SP1: variants seen among roughly 807,000 people sequenced by gnomAD.
The protein encoded by SP1 is Sp1 transcription factor, also known as transcription factor Sp1.
A neutral mutation model predicts 66.3 loss-of-function variants in SP1; 6 were observed. The ratio of observed to expected loss-of-function variants is 0.09; its 90% CI spans 0.05 to 0.18. SP1 has a LOEUF of 0.18. Ranked by LOEUF, SP1 falls within the 10% of genes least tolerant of loss-of-function variation. SP1 has a pLI of 1.00. For synonymous variants in SP1, 417 were observed against 360.8 expected, an observed-to-expected ratio of 1.16 and a Z score of -1.77; for missense variants, 848 against 964.5, an observed-to-expected ratio of 0.88 and a Z score of 1.60.
chr12:53,409,851 T>C (rs934276992), intron 5 of SP1, among the ~76,000 whole-genome samples: 1 of 151,448 alleles, frequency 6.6e-6, no homozygotes, highest in African/African-American at 2.4e-5. Context: ...CTACTAAATA[T>C]ACAAAAAAAT....
Position 53,405,950 on chromosome 12 carries a change from T to G in SP1, c.1676-635T>G, listed in dbSNP as rs1384398708. Among the ~76,000 whole-genome samples the G allele has an allele frequency of 1.3e-4, 19 of 151,664 alleles. No individual in the cohort carries two copies. In the Admixed American group the frequency reaches 1.3e-3, roughly 10 times the overall value. The stretch of plus-strand genomic sequence containing the variant: ...CATCAGTATGGCACATGTATACATA[T>G]GTAACCTACACGTTGTGCACATGTA... On this transcript the variant is annotated intron_variant, in intron 3 of 5. Coordinates refer to ENST00000327443, the MANE Select transcript of SP1 (RefSeq NM_138473.3).
At chr12:53,389,352 ATGCCC>A (rs1938301368) in intron 3 of SP1, among the ~76,000 whole-genome samples, 1 of 150,770 alleles carries the variant, frequency 6.6e-6, no homozygotes, top group Non-Finnish European at 1.5e-5. Flanking sequence ...CTCCCGAGTA[ATGCCC>A]ACCACCACGC....
chr12:53,382,892 C>T lies in SP1; in HGVS notation c.945C>T (p.Ala315=), dbSNP rs1938140109. 1.2e-6 allele frequency: 2 copies of T among 1,614,184 alleles called. No individual in the cohort carries two copies. Among genetic ancestry groups the T allele is most frequent in the East Asian group, 2.2e-5 (1 of 44,886 alleles). Residue 315 remains alanine, a synonymous_variant, in exon 3 of 6, where the codon GCC becomes GCT. Transcript: ENST00000327443. ...CTGCCAGCTTGGTATCATCACAAGC[C>T]AGTTCCAGCTCCTTTTTCACCAATG... ...ISSASLVSSQ[A]SSSSFFTNAN...
At chr12:53,404,403 G>T (rs1938681393) in intron 3 of SP1, among the ~76,000 whole-genome samples, 1 of 151,782 alleles carries the variant, frequency 6.6e-6, no homozygotes, top group Admixed American at 6.6e-5. Context: ...GTAGCCAGGG[G>T]TGGTGGTGGG....
At chr12:53,410,672 AT>A (rs1259034426) in intron 5 of SP1, among the ~76,000 whole-genome samples, 2 of 151,626 alleles carry the variant, frequency 1.3e-5, no homozygotes, top group Non-Finnish European at 2.9e-5. Context: ...CGCCCGGCTA[AT>A]TTTTTGTATT....
chr12:53,389,160 T>A (rs960071155), intron 3 of SP1, among the ~76,000 whole-genome samples: 2 of 151,844 alleles, frequency 1.3e-5, no homozygotes, highest in African/African-American at 4.8e-5. Context: ...TGTGGAAGAT[T>A]GCAGCTTCCA....
Position 53,412,642 on chromosome 12 carries a change from G to A in SP1, c.*1402G>A, listed in dbSNP as rs1049562082. The A allele has an allele frequency of 3.3e-5, 5 of 152,590 alleles. No homozygotes were observed. The highest frequency in any genetic ancestry group is 1.2e-4 in the African/African-American group (5 of 41,454). The allele number at this position is 152,590 out of a possible 1,614,324, so 9.5% of individuals were successfully genotyped here. ...GTTCTTGGGTGGTTCCTAAGGGAAA[G>A]GGAAGCACATGATCATGGGAATGAT... On this transcript the variant is annotated 3_prime_UTR_variant, in exon 6 of 6. Transcript: ENST00000327443.
At chr12:53,406,065 CTTTTTTT>C (rs1170832065) in intron 3 of SP1, among the ~76,000 whole-genome samples, 4 of 82,412 alleles carry the variant, frequency 4.9e-5, no homozygotes, top group Non-Finnish European at 1.0e-4. Flanking sequence ...TATTTTCTTT[CTTTTTTT>C]TTTTTTTTTT....
chr12:53,380,643 A>C, intron 1 of SP1: 1 of 991,834 alleles, frequency 1.0e-6, no homozygotes, highest in Non-Finnish European at 1.2e-6. Context: ...CCGAGCAGCG[A>C]AGGCCCCGCC....
chr12:53,380,236 G>GGCCCCC lies in SP1; in HGVS notation c.-56_-55insGCCCCC. The GGCCCCC allele has an allele frequency of 9.8e-7, 1 of 1,023,204 alleles. No homozygotes were observed. Among genetic ancestry groups the GGCCCCC allele is most frequent in the Non-Finnish European group, 1.5e-6 (1 of 656,926 alleles). The allele number at this position is 1,023,204 out of a possible 1,614,324, so 63.4% of individuals were successfully genotyped here. The stretch of plus-strand genomic sequence containing the variant: ...CTCGTCAGCGTCCGCGTTTTTCCCG[G>GGCCCCC]CCCCCCCCAACCCCCCCGGACAGGA... On this transcript the variant is annotated 5_prime_UTR_variant, in exon 1 of 6. Coordinates refer to ENST00000327443, the MANE Select transcript of SP1 (RefSeq NM_138473.3).
chr12:53,382,520 C>T lies in SP1; in HGVS notation c.573C>T (p.Ala191=), dbSNP rs2136887537. The change falls in exon 3 of 6, where the codon GCC becomes GCT. Residue 191 remains alanine (A), a synonymous_variant. Coordinates refer to ENST00000327443, the MANE Select transcript of SP1 (RefSeq NM_138473.3). ...TVDGQQLQFA[A]TGAQVQQDGS... is the part of the protein sequence containing the mutation. ...ATGGGCAACAGCTGCAGTTTGCTGC[C>T]ACTGGGGCCCAAGTGCAGCAGGATG... 1 of 1,614,132 alleles carries T rather than the reference C, an allele frequency of 6.2e-7. No individual in the cohort carries two copies. Among genetic ancestry groups the T allele is most frequent in the Non-Finnish European group, 8.5e-7 (1 of 1,180,018 alleles).
intron 3 of SP1, among the ~76,000 whole-genome samples, chr12:53,406,201 G>A (rs1166003274): frequency 6.6e-6 from 1 of 151,418 alleles, no homozygotes; most frequent in Non-Finnish European, 1.5e-5. Context: ...CTTCCAAGGA[G>A]CTGGGATTAC....
chr12:53,390,483 G>A (rs1443959821), intron 3 of SP1, among the ~76,000 whole-genome samples: 2 of 152,098 alleles, frequency 1.3e-5, no homozygotes, highest in Admixed American at 1.3e-4. Flanking sequence ...AGGAGTTCGT[G>A]ACCAGCCTGG....
Position 53,414,197 on chromosome 12 carries a change from GTT to G in SP1, c.*2962_*2963del, listed in dbSNP as rs1025558981. 5.9e-5 allele frequency: 9 copies of G among 152,278 alleles called. No individual in the cohort carries two copies. 9.4% of individuals were successfully genotyped at this position (152,278 alleles called of 1,614,324 possible). A position where few individuals can be genotyped will look rare whatever the true frequency, so the allele number is the denominator to read the frequency against. The stretch of plus-strand genomic sequence containing the variant: ...AAGTTTTTTTCATTTTTTTGAATGA[GTT>G]TTTTAAATTTTTTAGATGACCAAAA... On this transcript the variant is annotated 3_prime_UTR_variant, in exon 6 of 6. Transcript: ENST00000327443.
chr12:53,387,545 A>T (rs1392174427), intron 3 of SP1, among the ~76,000 whole-genome samples: 2 of 152,198 alleles, frequency 1.3e-5, no homozygotes, highest in Non-Finnish European at 2.9e-5. Flanking sequence ...GACTGAAGTT[A>T]TTTAGTACAA....
At chr12:53,392,680 A>T (rs1938382765) in intron 3 of SP1, among the ~76,000 whole-genome samples, 1 of 150,944 alleles carries the variant, frequency 6.6e-6, no homozygotes, top group Non-Finnish European at 1.5e-5. Context: ...TATTTAGTAG[A>T]GATGGGGTTT....
At position 53,399,224 on chromosome 12, in the gene SP1, AT is replaced by A. The variant is rs368491474; in HGVS notation, c.1676-7360del. Among the ~76,000 whole-genome samples, 377 of 152,296 alleles carry A rather than the reference AT, an allele frequency of 2.5e-3. 2 individuals are homozygous for A. Among genetic ancestry groups the A allele is most frequent in the African/African-American group, 8.8e-3 (366 of 41,558 alleles). ...ATACTGTGATGAACATCCTTATCAA[AT>A]ATTTGATTAAACTTTTTTGTTTTTT... On this transcript the variant is annotated intron_variant, in intron 3 of 5. Coordinates refer to ENST00000327443, the MANE Select transcript of SP1 (RefSeq NM_138473.3).
chr12:53,413,697 G>A lies in SP1; in HGVS notation c.*2457G>A, dbSNP rs1254768041. 3 of 152,538 alleles carry A rather than the reference G, an allele frequency of 2.0e-5. No individual in the cohort carries two copies. Among genetic ancestry groups the A allele is most frequent in the African/African-American group, 7.2e-5 (3 of 41,436 alleles). The allele number at this position is 152,538 out of a possible 1,614,324, so 9.4% of individuals were successfully genotyped here. A position where few individuals can be genotyped will look rare whatever the true frequency, so the allele number is the denominator to read the frequency against. On this transcript the variant is annotated 3_prime_UTR_variant, in exon 6 of 6. Transcript: ENST00000327443. ...TAATCATGTACTTTGGCATCTTTTG[G>A]AGGAAAGGGGCAGGATAACTCACTG...
chr12:53,390,312 A>G (rs564002522), intron 3 of SP1, among the ~76,000 whole-genome samples: 10 of 152,280 alleles, frequency 6.6e-5, no homozygotes, highest in African/African-American at 2.4e-4. Context: ...AGAAAGATAT[A>G]CTTGTTTCTT....
Sources: gnomAD v4.1 joint callset for allele counts (sites outside exome capture counted in the v4.1 genomes callset) on GRCh38, gnomAD v4.1.1 for gene constraint, MANE v1.5 for transcripts, NCBI Gene and HGNC (gene_info 2026-07-23, HGNC 2026-07-21) for gene names.